Variants in GPSM1 observed in about 807,000 individuals in gnomAD.
The protein encoded by GPSM1 is G protein-signaling modulator 1.
A neutral mutation model predicts 70.5 loss-of-function variants in GPSM1; 48 were observed. The ratio of observed to expected loss-of-function variants is 0.68; its 90% CI spans 0.54 to 0.87. The LOEUF (loss-of-function observed/expected upper bound fraction) is 0.87, where lower values mean the gene tolerates loss of function less well. Ranked by LOEUF, GPSM1 falls within the 40% of genes least tolerant of loss-of-function variation. The probability of loss-of-function intolerance (pLI) is 0.00; values close to 1 mark genes in which losing one functional copy is unlikely to be tolerated. For synonymous variants in GPSM1, 416 were observed against 430.1 expected (o/e 0.97, Z 0.41); for missense variants, 981 against 972.6 (o/e 1.01, Z -0.11).
intron 11 of GPSM1, among the ~76,000 whole-genome samples, chr9:136,350,604 T>A (rs1248993972): frequency 6.6e-6 from 1 of 152,066 alleles, no homozygotes; most frequent in Admixed American, 6.5e-5. Flanking sequence ...GCAGAGCCCC[T>A]GGTGAGGGGA....
Position 136,355,563 on chromosome 9 carries a change from G to A in GPSM1, c.1456-127G>A, listed in dbSNP as rs919108693. On this transcript the variant is annotated intron_variant, in intron 11 of 13. Transcript: ENST00000440944. ...TTCTGGGGGAGGGGTAGCCGACAGG[G>A]GGCAGGTTAGAGTCCCGATCTTGGC... The A allele has an allele frequency of 6.2e-6, 5 of 805,530 alleles. No individual in the cohort carries two copies. In the Admixed American group the frequency reaches 9.9e-5, roughly 16 times the overall value. 49.9% of individuals were successfully genotyped at this position (805,530 alleles called of 1,614,324 possible). A position where few individuals can be genotyped will look rare whatever the true frequency, so the allele number is the denominator to read the frequency against.
chr9:136,342,816 G>C lies in GPSM1; in HGVS notation c.1207+1823G>C, dbSNP rs1832426829. On this transcript the variant is annotated intron_variant, in intron 9 of 13. Transcript: ENST00000440944. The surrounding 1 kb of genome is among the most constrained non-coding windows in gnomAD (Gnocchi z 5.5). The stretch of plus-strand genomic sequence containing the variant: ...GCCTGGCCGTGCGGAGGGGGCGCCA[G>C]GGCTGGGGGCACAGGAGGGCGCTGC... Among the ~76,000 whole-genome samples the C allele has an allele frequency of 6.6e-6, 1 of 152,138 alleles. No individual in the cohort carries two copies. Among genetic ancestry groups the C allele is most frequent in the Non-Finnish European group, 1.5e-5 (1 of 67,994 alleles).
chr9:136,335,848 CT>C, intron 2 of GPSM1, 117 bp from the exon 3 acceptor site: 1 of 1,053,110 alleles, frequency 9.5e-7, no homozygotes, highest in Non-Finnish European at 1.4e-6. Flanking sequence ...TTGCAGGCTC[CT>C]GTCCACTCCA....
chr9:136,337,440 G>T lies in GPSM1; in HGVS notation c.579-1G>T. 1 of 1,569,492 alleles carries T rather than the reference G, an allele frequency of 6.4e-7. No homozygotes were observed. The highest frequency in any genetic ancestry group is 8.6e-7 in the Non-Finnish European group (1 of 1,157,510). On this transcript the variant is annotated splice_acceptor_variant, in intron 4 of 13. Transcript: ENST00000440944. LOFTEE classifies it high-confidence loss of function. Reference sequence around the variant, plus strand: ...ACGGCTCAGAGGCACTCGGCCCCCAGGAGGAACCTGTCCCTGGTGAAGGAG... The same window carrying T: ...ACGGCTCAGAGGCACTCGGCCCCCATGAGGAACCTGTCCCTGGTGAAGGAG...
intron 10 of GPSM1, 103 bp downstream of exon 10, chr9:136,348,870 G>C: frequency 1.2e-6 from 1 of 859,412 alleles, no homozygotes; most frequent in Non-Finnish European, 1.9e-6. Flanking sequence ...GCCCCTGTCT[G>C]CTGGGAGATA....
rs1554769561 is a variant in GPSM1 at position 136,337,865 on chromosome 9, A to C, written c.722A>C (p.Glu241Ala). ...CCGCAGCGCCTGGCCATTGCTAAGG[A>C]GTTTGGAGACAAGGCAGCCGAGAGG... ...FHKERLAIAK[E>A]FGDKAAERRA... The change falls in exon 6 of 14, where the codon GAG becomes GCG. Residue 241 changes from glutamate to alanine, a missense_variant. Transcript: ENST00000440944. 1 of 1,612,116 alleles carries C rather than the reference A, an allele frequency of 6.2e-7. No individual in the cohort carries two copies. The highest frequency in any genetic ancestry group is 1.1e-5 in the South Asian group (1 of 91,072).
chr9:136,346,714 T>TCCTC (rs2131406744), intron 9 of GPSM1, among the ~76,000 whole-genome samples: 1 of 152,250 alleles, frequency 6.6e-6, no homozygotes, highest in African/African-American at 2.4e-5. Flanking sequence ...CGGGCCCATT[T>TCCTC]CCTCCCTCCC....
rs1832401050 is a variant in GPSM1 at position 136,341,902 on chromosome 9, C to T, written c.1207+909C>T. 7.7e-6 allele frequency: 4 copies of T among 522,748 alleles called. No individual in the cohort carries two copies. The highest frequency in any genetic ancestry group is 8.2e-5 in the South Asian group (1 of 12,142). The allele number at this position is 522,748 out of a possible 1,614,324, so 32.4% of individuals were successfully genotyped here. A position where few individuals can be genotyped will look rare whatever the true frequency, so the allele number is the denominator to read the frequency against. The stretch of plus-strand genomic sequence containing the variant: ...CCAGCCTCAAGCGATCCTCCCATCT[C>T]GGCTTCCAGAAGTGCTGGGATTATA... On this transcript the variant is annotated intron_variant, in intron 9 of 13. Coordinates refer to ENST00000440944, the MANE Select transcript of GPSM1 (RefSeq NM_001145638.3). This position sits in a 1 kb window ranked among gnomAD's most constrained non-coding sequence, Gnocchi z 6.7.
chr9:136,334,784 C>A (rs1214951178), intron 2 of GPSM1, 116 bp downstream of exon 2: 1 of 819,386 alleles, frequency 1.2e-6, no homozygotes. Flanking sequence ...TGAGTGGGGA[C>A]AGCCCTGCTG....
rs782398108 is a variant in GPSM1, at chr9:136,338,626, A to T, written c.890A>T (p.Asn297Ile). The change falls in exon 7 of 14, where the codon AAC (asparagine) becomes ATC (isoleucine). Residue 297 changes from asparagine (N) to isoleucine (I), a missense_variant. Transcript: ENST00000440944. Reference sequence around the variant, plus strand: ...GCGCAGGCCTGCTACAGTCTGGGCAACACCTACACGCTGCTGCAGGACTAC... The same window carrying T: ...GCGCAGGCCTGCTACAGTCTGGGCATCACCTACACGCTGCTGCAGGACTAC... ...VEAQACYSLGNTYTLLQDYER... is the reference protein window; with the variant it reads ...VEAQACYSLGITYTLLQDYER... 6.2e-7 allele frequency: 1 copy of T among 1,609,112 alleles called. No homozygotes were observed. Among genetic ancestry groups the T allele is most frequent in the South Asian group, 1.1e-5 (1 of 90,126 alleles).
At chr9:136,353,097 C>G (rs1338493752) in intron 11 of GPSM1, 10 of 985,522 alleles carry the variant, frequency 1.0e-5, no homozygotes, top group Non-Finnish European at 1.2e-5. Flanking sequence ...TGCCTGCGCT[C>G]TGTGTGGCCA....
intron 9 of GPSM1, among the ~76,000 whole-genome samples, chr9:136,346,413 GA>G (rs372159740): frequency 7.2e-5 from 11 of 152,310 alleles, no homozygotes; most frequent in African/African-American, 2.6e-4. Context: ...GGGTCACATG[GA>G]CAGACTCAGG....
At chr9:136,351,730 G>A (rs1832667694) in intron 11 of GPSM1, among the ~76,000 whole-genome samples, 1 of 152,244 alleles carries the variant, frequency 6.6e-6, no homozygotes, top group Non-Finnish European at 1.5e-5. Flanking sequence ...AACCACCGCG[G>A]GGCAGGACGC....
Position 136,340,949 on chromosome 9 carries a change from C to G in GPSM1, c.1163C>G (p.Pro388Arg). Reference sequence around the variant, plus strand: ...CTGGTGCTCGGCCGCCTGACCAGCCCGGCAGCCTCAGAGAAGCCTGACCTG... The same window carrying G: ...CTGGTGCTCGGCCGCCTGACCAGCCGGGCAGCCTCAGAGAAGCCTGACCTG... ...LQLVLGRLTS[P>R]AASEKPDLAG... is the part of the protein sequence containing the mutation. The change falls in exon 9 of 14, where the codon CCG (proline) becomes CGG (arginine). Residue 388 changes from proline to arginine, a missense_variant. Pro to Arg is a moderately radical substitution (Grantham distance 103). Transcript: ENST00000440944. The surrounding 1 kb of genome is among the most constrained non-coding windows in gnomAD (Gnocchi z 7.3). 1 of 1,563,922 alleles carries G rather than the reference C, an allele frequency of 6.4e-7. No individual in the cohort carries two copies.
At chr9:136,354,349 G>T (rs1192379535) in intron 11 of GPSM1, among the ~76,000 whole-genome samples, 9 of 152,196 alleles carry the variant, frequency 5.9e-5, no homozygotes, top group Non-Finnish European at 1.2e-4. Flanking sequence ...CCTGGGCTGT[G>T]GGGGTCAGGT....
In GPSM1 at chr9:136,340,437, C is replaced by A. The variant is rs782590995; in HGVS notation, c.1084-433C>A. ...TCCAGGGCTCCATGTGGCCCTCCCC[C>A]CAACCCCATGCCACCTCTCTTCTGC... On this transcript the variant is annotated intron_variant, in intron 8 of 13. Coordinates refer to ENST00000440944, the MANE Select transcript of GPSM1 (RefSeq NM_001145638.3). This position sits in a 1 kb window ranked among gnomAD's most constrained non-coding sequence, Gnocchi z 7.3. Among the ~76,000 whole-genome samples, 15 of 151,994 alleles carry A rather than the reference C, an allele frequency of 9.9e-5. No individual in the cohort carries two copies. Among genetic ancestry groups the A allele is most frequent in the South Asian group, 8.3e-4 (4 of 4,834 alleles).
chr9:136,343,745 A>G lies in GPSM1; in HGVS notation c.1207+2752A>G, dbSNP rs1588698846. Among the ~76,000 whole-genome samples, 2 of 152,320 alleles carry G rather than the reference A, an allele frequency of 1.3e-5. No individual in the cohort carries two copies. The highest frequency in any genetic ancestry group is 4.8e-5 in the African/African-American group (2 of 41,570). On this transcript the variant is annotated intron_variant, in intron 9 of 13. Transcript: ENST00000440944. The surrounding 1 kb of genome is among the most constrained non-coding windows in gnomAD (Gnocchi z 6.0). ...CAGAGCTTGGCAGGGGTGAGAGGCCAGCGAGCCTGAGGGCCCGTAAGCCTG... is the reference window on the plus strand; with the variant it reads ...CAGAGCTTGGCAGGGGTGAGAGGCCGGCGAGCCTGAGGGCCCGTAAGCCTG...
At position 136,327,686 on chromosome 9, in the gene GPSM1, T is replaced by G; in HGVS notation, c.-10T>G. 1.8e-6 allele frequency: 2 copies of G among 1,100,226 alleles called. No homozygotes were observed. Among genetic ancestry groups the G allele is most frequent in the Non-Finnish European group, 2.2e-6 (2 of 900,536 alleles). The allele number at this position is 1,100,226 out of a possible 1,614,324, so 68.2% of individuals were successfully genotyped here. A position where few individuals can be genotyped will look rare whatever the true frequency, so the allele number is the denominator to read the frequency against. On this transcript the variant is annotated 5_prime_UTR_variant, in exon 1 of 14. Coordinates refer to ENST00000440944, the MANE Select transcript of GPSM1 (RefSeq NM_001145638.3). ...GGCGCTCCCGGCTCCCGCTCCCGCG[T>G]CCCCGACCCATGGCGGGCCCGGCCC...
In GPSM1 at chr9:136,358,602, G is replaced by A. The variant is rs373314064; in HGVS notation, c.*382G>A. The stretch of plus-strand genomic sequence containing the variant: ...CCCTCCCCAAAGGTGTCTCTGAGCC[G>A]CCTCTTGGGGCCACCAAGGACAGGG... On this transcript the variant is annotated 3_prime_UTR_variant, in exon 14 of 14. Transcript: ENST00000440944. 1.6e-3 allele frequency: 535 copies of A among 341,468 alleles called. 3 individuals are homozygous for A. Among genetic ancestry groups the A allele is most frequent in the South Asian group, 8.3e-3 (258 of 31,234 alleles). 21.2% of individuals were successfully genotyped at this position (341,468 alleles called of 1,614,324 possible). A position where few individuals can be genotyped will look rare whatever the true frequency, so the allele number is the denominator to read the frequency against.
Sources: gnomAD v4.1 joint callset for allele counts (sites outside exome capture counted in the v4.1 genomes callset) on GRCh38, gnomAD v4.1.1 for gene constraint, Gnocchi (gnomAD v3.1) non-coding constraint, MANE v1.5 for transcripts, NCBI Gene and HGNC (gene_info 2026-07-23, HGNC 2026-07-21) for gene names.